The following ETS2 variants were observed in gnomAD, a reference collection of about 807,000 sequenced individuals.
The protein encoded by ETS2 is protein C-ets-2.
ETS2 carries 19 observed loss-of-function variants against 54.9 expected under a neutral mutation model. The ratio of observed to expected loss-of-function variants is 0.35; its 90% confidence interval spans 0.24 to 0.51. ETS2 has a LOEUF of 0.51. Among genes scored for constraint, ETS2 ranks in the 20% least tolerant of loss-of-function variants. The pLI is 0.97. For synonymous variants in ETS2, 219 were observed against 229.3 expected (o/e 0.95, Z 0.41); for missense variants, 417 against 593.0 (o/e 0.70, Z 3.08).
intron 1 of ETS2, among the ~76,000 whole-genome samples, chr21:38,807,776 A>G (rs964374143): frequency 6.6e-6 from 1 of 152,228 alleles, no homozygotes; most frequent in Non-Finnish European, 1.5e-5. Context: ...TCCATCTCAG[A>G]GAAGCTGAAA....
Position 38,806,446 on chromosome 21 carries a change from A to G in ETS2, c.-1+326A>G. 2 of 985,178 alleles carry G rather than the reference A, an allele frequency of 2.0e-6. No homozygotes were observed. Among genetic ancestry groups the G allele is most frequent in the Non-Finnish European group, 2.4e-6 (2 of 830,006 alleles). 61.0% of individuals were successfully genotyped at this position (985,178 alleles called of 1,614,324 possible). A position where few individuals can be genotyped will look rare whatever the true frequency, so the allele number is the denominator to read the frequency against. ...GCTTGTTTCGCTCGCTTTTGTTTTT[A>G]AAAGGAAACGCAGGCCTGGTAGGGG... On this transcript the variant is annotated intron_variant, in intron 1 of 9. Transcript: ENST00000360938. This position sits in a 1 kb window ranked among gnomAD's most constrained non-coding sequence, Gnocchi z 4.3.
chr21:38,822,156 G>A (rs762884281), intron 9 of ETS2, among the ~76,000 whole-genome samples: 14 of 152,184 alleles, frequency 9.2e-5, no homozygotes, highest in Non-Finnish European at 1.8e-4. Flanking sequence ...AAGGCCAAGG[G>A]CAGGTGGGAT....
intron 2 of ETS2, among the ~76,000 whole-genome samples, chr21:38,810,700 G>T (rs1436702221): frequency 6.6e-6 from 1 of 152,120 alleles, no homozygotes; most frequent in African/African-American, 2.4e-5. Context: ...AGCACAAACT[G>T]GTAATCTCCC....
At chr21:38,805,491 C>A (rs549200277), upstream of ETS2, 2 of 1,288,082 alleles carry the variant, frequency 1.6e-6, no homozygotes, top group Non-Finnish European at 2.0e-6. This position sits in a 1 kb window ranked among gnomAD's most constrained non-coding sequence, Gnocchi z 5.2. Flanking sequence ...GAGCGCTCCA[C>A]GGAAAGTCTC....
chr21:38,817,099 C>T lies in ETS2; in HGVS notation c.589+8C>T, dbSNP rs373849685. On this transcript the variant is annotated splice_region_variant and intron_variant, in intron 6 of 9. Transcript: ENST00000360938. Reference sequence around the variant, plus strand: ...TTAACAGCAATACATTAGGTCAGTCCGATTGATTCTGCCCTTAAGAACTTT... The same window carrying T: ...TTAACAGCAATACATTAGGTCAGTCTGATTGATTCTGCCCTTAAGAACTTT... 44 of 1,563,300 alleles carry T rather than the reference C, an allele frequency of 2.8e-5. No individual in the cohort carries two copies. Among genetic ancestry groups the T allele is most frequent in the Middle Eastern group, 1.7e-4 (1 of 5,968 alleles).
At position 38,818,446 on chromosome 21, in the gene ETS2, C is replaced by T. The variant is rs1409520740; in HGVS notation, c.611C>T (p.Pro204Leu). The change falls in exon 7 of 10, where the codon CCC (proline) becomes CTC (leucine). Residue 204 changes from proline (P) to leucine (L), a missense_variant. Physicochemically the swap from Pro to Leu is moderately conservative, Grantham distance 98. Around this residue, in one of 3 missense-constraint regions of ETS2, gnomAD observed 326 missense variants for 426.1 expected, o/e 0.76. Transcript: ENST00000360938. Reference sequence around the variant, plus strand: ...CCAGGTTTTGGCACAGAGCAGGCGCCCTATGGAATGCAGACACAGAATTAC... The same window carrying T: ...CCAGGTTTTGGCACAGAGCAGGCGCTCTATGGAATGCAGACACAGAATTAC... ...NTLGFGTEQA[P>L]YGMQTQNYPK... 3.1e-6 allele frequency: 5 copies of T among 1,614,002 alleles called. No homozygotes were observed. Among genetic ancestry groups the T allele is most frequent in the Non-Finnish European group, 3.4e-6 (4 of 1,180,040 alleles).
rs1217431104 is a variant in ETS2, at chr21:38,806,910, G to A, written c.-1+790G>A. Reference sequence around the variant, plus strand: ...TTATGTTAGCCTGTACACAATTTCAGGGTAGCCTAAAACAGTAGTTGACGC... The same window carrying A: ...TTATGTTAGCCTGTACACAATTTCAAGGTAGCCTAAAACAGTAGTTGACGC... On this transcript the variant is annotated intron_variant, in intron 1 of 9. Transcript: ENST00000360938. The surrounding 1 kb of genome is among the most constrained non-coding windows in gnomAD (Gnocchi z 4.3). The A allele has an allele frequency of 2.9e-5, 26 of 905,822 alleles. No individual in the cohort carries two copies. The highest frequency in any genetic ancestry group is 3.2e-5 in the Non-Finnish European group (24 of 757,466). 56.1% of individuals were successfully genotyped at this position (905,822 alleles called of 1,614,324 possible). A position where few individuals can be genotyped will look rare whatever the true frequency, so the allele number is the denominator to read the frequency against.
intron 5 of ETS2, among the ~76,000 whole-genome samples, chr21:38,816,490 A>C (rs2060936013): frequency 6.6e-6 from 1 of 152,104 alleles, no homozygotes. Flanking sequence ...GTAAGTATGC[A>C]TACACAGTGC....
Position 38,818,483 on chromosome 21 carries a change from C to T in ETS2, c.648C>T (p.Gly216=). ...AGACACAGAATTACCCCAAAGGCGG[C>T]CTCCTGGACAGCATGTGTCCGGCCT... ...GMQTQNYPKG[G]LLDSMCPAST... The change falls in exon 7 of 10, where the codon GGC becomes GGT. Residue 216 remains glycine (G), a synonymous_variant. Transcript: ENST00000360938. The T allele has an allele frequency of 6.2e-7, 1 of 1,614,180 alleles. No homozygotes were observed. Among genetic ancestry groups the T allele is most frequent in the Non-Finnish European group, 8.5e-7 (1 of 1,180,036 alleles).
chr21:38,822,899 G>GACC lies in ETS2; in HGVS notation c.*14_*16dup. On this transcript the variant is annotated 3_prime_UTR_variant, in exon 10 of 10. Transcript: ENST00000360938. Reference sequence around the variant, plus strand: ...CGACACGGAGGACTGAGGTCGCCGGGACCACCCTGAGCCGGCCCCAGGCTC... The same window carrying GACC: ...CGACACGGAGGACTGAGGTCGCCGGGACCACCACCCTGAGCCGGCCCCAGGCTC... The GACC allele has an allele frequency of 6.4e-7, 1 of 1,555,378 alleles. No homozygotes were observed. Among genetic ancestry groups the GACC allele is most frequent in the Non-Finnish European group, 8.7e-7 (1 of 1,148,322 alleles).
intron 2 of ETS2, among the ~76,000 whole-genome samples, chr21:38,810,590 T>C (rs2060910403): frequency 6.6e-6 from 1 of 152,224 alleles, no homozygotes; most frequent in Non-Finnish European, 1.5e-5. Flanking sequence ...GGCCTACTTA[T>C]GTTAAACCAA....
At chr21:38,808,112 G>A (rs991752821) in intron 1 of ETS2, among the ~76,000 whole-genome samples, 6 of 152,116 alleles carry the variant, frequency 3.9e-5, no homozygotes, top group African/African-American at 1.4e-4. Flanking sequence ...CAGGATTTAG[G>A]ACCATACTCA....
rs3065531 is a variant in ETS2 at position 38,815,175 on chromosome 21, A to AGTGTGTGT, written c.505+215_505+222dup. ...ATAGATTTTTATCCCACTTTATGTG[A>AGTGTGTGT]GTGTGTGTGTGTGTGTGTGTGTGTG... On this transcript the variant is annotated intron_variant, in intron 5 of 9. Transcript: ENST00000360938. Among the ~76,000 whole-genome samples, 918 of 149,912 alleles carry AGTGTGTGT rather than the reference A, an allele frequency of 6.1e-3. 3 individuals are homozygous for AGTGTGTGT. Among genetic ancestry groups the AGTGTGTGT allele is most frequent in the African/African-American group, 7.9e-3 (321 of 40,648 alleles).
At chr21:38,809,909 C>G (rs560840780) in intron 1 of ETS2, 126 bp from the exon 2 acceptor site, 6 of 616,666 alleles carry the variant, frequency 9.7e-6, no homozygotes, top group Non-Finnish European at 1.7e-5. Context: ...CAAGAATTCC[C>G]TGCATTCACT....
At chr21:38,815,051 C>T in intron 5 of ETS2, 70 bp downstream of exon 5, 2 of 1,481,764 alleles carry the variant, frequency 1.3e-6, no homozygotes, top group Non-Finnish European at 1.9e-6. Context: ...TTGGGAAAGT[C>T]ACGTGGGTGT....
chr21:38,814,169 A>C lies in ETS2; in HGVS notation c.185-104A>C. On this transcript the variant is annotated intron_variant, in intron 3 of 9. Transcript: ENST00000360938. This position sits in a 1 kb window ranked among gnomAD's most constrained non-coding sequence, Gnocchi z 4.2. ...TTTTAAGGAATCATGCCAAGGTTTG[A>C]GATCAAAATTGTTCTTTTCCAAAAA... The C allele has an allele frequency of 8.5e-7, 1 of 1,172,234 alleles. No homozygotes were observed. Among genetic ancestry groups the C allele is most frequent in the Non-Finnish European group, 1.2e-6 (1 of 812,184 alleles). 72.6% of individuals were successfully genotyped at this position (1,172,234 alleles called of 1,614,324 possible). A position where few individuals can be genotyped will look rare whatever the true frequency, so the allele number is the denominator to read the frequency against.
chr21:38,814,747 C>T lies in ETS2; in HGVS notation c.305-34C>T, dbSNP rs768164500. ...CTCACTACCTTTCCACTGTTTTTAC[C>T]TCATGTGTTCCATTTTTTCTTCTCT... On this transcript the variant is annotated intron_variant, in intron 4 of 9. Coordinates refer to ENST00000360938, the MANE Select transcript of ETS2 (RefSeq NM_005239.6). This position sits in a 1 kb window ranked among gnomAD's most constrained non-coding sequence, Gnocchi z 4.2. 2.5e-6 allele frequency: 4 copies of T among 1,591,420 alleles called. No individual in the cohort carries two copies. In the South Asian group the frequency reaches 4.4e-5, roughly 18 times the overall value.
At chr21:38,812,430 T>C (rs2060917212) in intron 2 of ETS2, among the ~76,000 whole-genome samples, 1 of 152,196 alleles carries the variant, frequency 6.6e-6, no homozygotes, top group South Asian at 2.1e-4. Flanking sequence ...TTAACTTAAG[T>C]GGATTAGGCC....
intron 2 of ETS2, among the ~76,000 whole-genome samples, chr21:38,810,358 GCTCCT>G (rs1490513815): frequency 1.3e-5 from 2 of 152,134 alleles, no homozygotes; most frequent in African/African-American, 4.8e-5. Flanking sequence ...GTTTTCTGAG[GCTCCT>G]TCCAGGTGAA....
Sources: allele counts gnomAD v4.1 joint callset (sites outside exome capture counted in the v4.1 genomes callset), GRCh38; gene constraint gnomAD v4.1.1; regional missense constraint gnomAD v4.1.1; non-coding constraint Gnocchi (gnomAD v3.1); transcripts MANE v1.5; gene names NCBI Gene and HGNC (gene_info 2026-07-23, HGNC 2026-07-21).